XPO5: variants seen among roughly 807,000 people sequenced by gnomAD.
XPO5 encodes exportin 5, also known as exportin-5.
A neutral mutation model predicts 160.6 loss-of-function variants in XPO5; 46 were observed. The observed-to-expected ratio is 0.29, with a 90% CI of 0.23 to 0.37. The LOEUF (loss-of-function observed/expected upper bound fraction) is 0.37, where lower values mean the gene tolerates loss of function less well. XPO5 is among the 10% of genes least tolerant of loss of function. The probability of loss-of-function intolerance (pLI) is 1.00; values close to 1 mark genes in which losing one functional copy is unlikely to be tolerated. For synonymous variants in XPO5, 537 were observed against 519.3 expected (o/e 1.03, Z -0.46); for missense variants, 1,090 against 1,463.9 (o/e 0.74, Z 4.17).
intron 15 of XPO5, among the ~76,000 whole-genome samples, chr6:43,550,530 C>T (rs935430598): frequency 1.3e-5 from 2 of 152,166 alleles, no homozygotes; most frequent in African/African-American, 4.8e-5. Flanking sequence ...TCACTAGGTT[C>T]CTCGCTTGAC....
At chr6:43,564,209 A>G (rs1762569438) in intron 8 of XPO5, among the ~76,000 whole-genome samples, 1 of 152,034 alleles carries the variant, frequency 6.6e-6, no homozygotes, top group African/African-American at 2.4e-5. Flanking sequence ...AGCATGACCC[A>G]GCGTACCTGG....
At chr6:43,535,088 C>T (rs186748573) in intron 20 of XPO5, among the ~76,000 whole-genome samples, 1 of 150,860 alleles carries the variant, frequency 6.6e-6, no homozygotes, top group Admixed American at 6.6e-5. Context: ...GTCATGAGAT[C>T]GAGACTATCC....
chr6:43,570,076 T>C (rs1288738253), intron 5 of XPO5, among the ~76,000 whole-genome samples: 1 of 147,672 alleles, frequency 6.8e-6, no homozygotes, highest in East Asian at 2.0e-4. Flanking sequence ...CCCAGCACTT[T>C]GGGAGGCGGG....
At chr6:43,567,392 C>T (rs746011516) in intron 6 of XPO5, 38 bp from the exon 7 acceptor site, 62 of 1,546,020 alleles carry the variant, frequency 4.0e-5, no homozygotes, top group African/African-American at 8.3e-5. Flanking sequence ...ATGAAGTCCT[C>T]GGTAACAGGT....
At chr6:43,530,987 C>A (rs1332560736) in intron 22 of XPO5, among the ~76,000 whole-genome samples, 163 bp from the exon 23 acceptor site, 1 of 152,202 alleles carries the variant, frequency 6.6e-6, no homozygotes, top group Non-Finnish European at 1.5e-5. Context: ...TTTTTAAAGA[C>A]AGATGTTGGT....
intron 20 of XPO5, chr6:43,539,591 C>T (rs866507024): frequency 1.2e-5 from 16 of 1,372,552 alleles, no homozygotes; most frequent in Non-Finnish European, 1.6e-5. Context: ...TCCACGGCTG[C>T]GACCCCGGCC....
intron 20 of XPO5, chr6:43,539,542 CT>C: frequency 6.9e-7 from 1 of 1,454,132 alleles, no homozygotes; most frequent in South Asian, 1.1e-5. Flanking sequence ...TATCTTTGGC[CT>C]TGCCTCCGCG....
Position 43,531,493 on chromosome 6 carries a change from G to A in XPO5, c.2526C>T (p.Thr842=). 6.2e-7 allele frequency: 1 copy of A among 1,613,648 alleles called. No homozygotes were observed. The stretch of plus-strand genomic sequence containing the variant: ...TGGTTCCTTACCAGTTTTCATAGAG[G>A]GTAGAGAAGAAACGCTGCATTCTTT... The part of the protein sequence containing the change: ...VLERMQRFFS[T]LYENCFHILG... The change falls in exon 22 of 32, where the codon ACC becomes ACT. Residue 842 remains threonine (T), a synonymous_variant. Transcript: ENST00000265351.
At chr6:43,574,031 T>C (rs1763157598) in intron 1 of XPO5, among the ~76,000 whole-genome samples, 1 of 152,008 alleles carries the variant, frequency 6.6e-6, no homozygotes, top group Non-Finnish European at 1.5e-5. Flanking sequence ...GGTTTCATCA[T>C]GTTGACCAGG....
At chr6:43,529,099 C>G (rs1022471708) in intron 23 of XPO5, 174 bp from the exon 24 acceptor site, 2 of 1,046,974 alleles carry the variant, frequency 1.9e-6, no homozygotes, top group Non-Finnish European at 2.8e-6. Flanking sequence ...CTAAATGGCA[C>G]TGATATTGAA....
At chr6:43,528,047 C>A in intron 25 of XPO5, 112 bp downstream of exon 25, 19 of 1,122,688 alleles carry the variant, frequency 1.7e-5, no homozygotes, top group Non-Finnish European at 2.3e-5. Flanking sequence ...AGAATGACTA[C>A]AACCTACTGC....
intron 6 of XPO5, 135 bp downstream of exon 6, chr6:43,568,576 A>C: frequency 1.4e-6 from 1 of 723,534 alleles, no homozygotes; most frequent in South Asian, 3.0e-5. Flanking sequence ...ACTGCACTCC[A>C]GCCTGGGCAA....
chr6:43,538,158 TTTTTTTTTTGAAACAGAGA>T (rs1369610525), intron 20 of XPO5, among the ~76,000 whole-genome samples: 1 of 138,050 alleles, frequency 7.2e-6, no homozygotes, highest in Non-Finnish European at 1.6e-5. Context: ...TTTTTTTTTT[TTTTTTTTTTGAAACAGAGA>T]TTTGCTCTGT....
At chr6:43,525,238 T>TA (rs1432197305) in intron 28 of XPO5, 24 bp from the exon 29 acceptor site, 5 of 1,554,072 alleles carry the variant, frequency 3.2e-6, no homozygotes, top group Admixed American at 3.9e-5. Context: ...GATGAAGAGT[T>TA]ACAATGGAAA....
chr6:43,570,212 T>A (rs1039535481), intron 5 of XPO5, among the ~76,000 whole-genome samples: 4 of 146,936 alleles, frequency 2.7e-5, no homozygotes, highest in African/African-American at 1.0e-4. Context: ...CTTGGGAGGT[T>A]GAGGCAGGAG....
chr6:43,526,370 C>G lies in XPO5; in HGVS notation c.2983+315G>C, dbSNP rs993645346. 14 of 441,116 alleles carry G rather than the reference C, an allele frequency of 3.2e-5. No individual in the cohort carries two copies. In the East Asian group the frequency reaches 4.0e-4, roughly 13 times the overall value. The allele number at this position is 441,116 out of a possible 1,614,324, so 27.3% of individuals were successfully genotyped here. On this transcript the variant is annotated intron_variant, in intron 27 of 31. Transcript: ENST00000265351. Reference sequence around the variant, plus strand: ...TGAAGAAGAATAAAGCAGAGGAATACAGAGTAGCTGGGGTTGCCATTTTTG... The same window carrying G: ...TGAAGAAGAATAAAGCAGAGGAATAGAGAGTAGCTGGGGTTGCCATTTTTG...
Position 43,524,854 on chromosome 6 carries a change from C to G in XPO5, c.3289G>C (p.Ala1097Pro). 1 of 1,613,764 alleles carries G rather than the reference C, an allele frequency of 6.2e-7. No individual in the cohort carries two copies. Among genetic ancestry groups the G allele is most frequent in the Non-Finnish European group, 8.5e-7 (1 of 1,179,888 alleles). Residue 1097 changes from alanine to proline, a missense_variant, in exon 30 of 32, where the codon GCC becomes CCC. Ala to Pro is a conservative substitution (Grantham distance 27). This residue lies in a region of XPO5 where 810 missense variants were observed against 1,139.0 expected (regional missense o/e 0.71). Transcript: ENST00000265351. ...DGCMASLVHL[A>P]FQIYEALRPR... ...ACCAGTGCCTCGTATATCTGGAAGGCCAGATGGACCAGGGAAGCCATGCAC... is the reference window on the plus strand; with the variant it reads ...ACCAGTGCCTCGTATATCTGGAAGGGCAGATGGACCAGGGAAGCCATGCAC...
intron 13 of XPO5, among the ~76,000 whole-genome samples, chr6:43,554,156 G>A (rs1323577378): frequency 2.6e-5 from 4 of 152,176 alleles, no homozygotes; most frequent in Non-Finnish European, 4.4e-5. Context: ...ACCCAGGCTG[G>A]AGGGCAGTGG....
At chr6:43,553,293 T>C (rs968780704) in intron 14 of XPO5, 80 bp downstream of exon 14, 21 of 1,488,760 alleles carry the variant, frequency 1.4e-5, no homozygotes, top group African/African-American at 5.6e-5. Context: ...CAGAGAGATA[T>C]AGCGTCCCAA....
Sources: gnomAD v4.1 joint callset for allele counts (sites outside exome capture counted in the v4.1 genomes callset) on GRCh38, gnomAD v4.1.1 for gene constraint, gnomAD v4.1.1 regional missense constraint, MANE v1.5 for transcripts, NCBI Gene and HGNC (gene_info 2026-07-23, HGNC 2026-07-21) for gene names.